The following BBX variants were observed in gnomAD, a reference collection of about 807,000 sequenced individuals.
The protein encoded by BBX is BBX high mobility group box domain containing.
A neutral mutation model predicts 100.2 loss-of-function variants in BBX; 30 were observed. The ratio of observed to expected loss-of-function variants is 0.30; its 90% CI spans 0.22 to 0.41. The LOEUF (loss-of-function observed/expected upper bound fraction) is 0.41. Ranked by LOEUF, BBX falls within the 10% of genes least tolerant of loss-of-function variation. The probability of loss-of-function intolerance (pLI) is 1.00; values close to 1 mark genes in which losing one functional copy is unlikely to be tolerated. For synonymous variants in BBX, 376 were observed against 388.1 expected (o/e 0.97, Z 0.37); for missense variants, 1,023 against 1,129.8 (o/e 0.91, Z 1.35).
At chr3:107,636,130 G>T (rs757100082) in intron 2 of BBX, among the ~76,000 whole-genome samples, 2 of 152,134 alleles carry the variant, frequency 1.3e-5, no homozygotes, top group Non-Finnish European at 2.9e-5. Flanking sequence ...CATGATTCAG[G>T]TTTCGTACCC....
intron 15 of BBX, among the ~76,000 whole-genome samples, chr3:107,795,405 G>A (rs914250896): frequency 1.3e-5 from 2 of 152,132 alleles, no homozygotes; most frequent in African/African-American, 4.8e-5. Context: ...AAGACCATAC[G>A]TTCTGGGGTT....
At chr3:107,696,139 AC>A (rs2060579105) in intron 3 of BBX, among the ~76,000 whole-genome samples, 1 of 151,430 alleles carries the variant, frequency 6.6e-6, no homozygotes, top group African/African-American at 2.4e-5. Context: ...ATGGGTCTTG[AC>A]TCTTTATCCA....
chr3:107,623,722 C>A (rs763716200), intron 2 of BBX, among the ~76,000 whole-genome samples: 2 of 152,112 alleles, frequency 1.3e-5, no homozygotes, highest in East Asian at 1.9e-4. Flanking sequence ...AAAGTGAAGA[C>A]CCCTGAAACT....
intron 1 of BBX, chr3:107,523,769 T>C (rs2107261430): frequency 6.6e-6 from 1 of 152,604 alleles, no homozygotes. Context: ...TTCGTCTGCG[T>C]TGGTGACCGG....
At chr3:107,695,648 G>A (rs377038898) in intron 3 of BBX, among the ~76,000 whole-genome samples, 15,634 of 151,404 alleles carry the variant, frequency 0.1, 975 homozygotes, top group Non-Finnish European at 0.13. Flanking sequence ...GGTGTGGTGT[G>A]GTGCTGAAAA....
intron 13 of BBX, among the ~76,000 whole-genome samples, chr3:107,783,926 G>A (rs1208577345): frequency 6.6e-6 from 1 of 151,990 alleles, no homozygotes; most frequent in Non-Finnish European, 1.5e-5. Flanking sequence ...TATTTAGAAG[G>A]ATTGCTTAGT....
chr3:107,713,883 T>G (rs1351628962), intron 4 of BBX, among the ~76,000 whole-genome samples: 1 of 151,960 alleles, frequency 6.6e-6, no homozygotes, highest in Non-Finnish European at 1.5e-5. Context: ...GTTCCCCATG[T>G]CTCTCCATTG....
At chr3:107,548,663 G>C (rs193043562) in intron 2 of BBX, among the ~76,000 whole-genome samples, 1 of 152,272 alleles carries the variant, frequency 6.6e-6, no homozygotes, top group Admixed American at 6.5e-5. Context: ...AAAGTAATTT[G>C]TTTTGTCAAA....
At chr3:107,742,311 TTTC>T (rs1350030986) in intron 7 of BBX, among the ~76,000 whole-genome samples, 1 of 151,870 alleles carries the variant, frequency 6.6e-6, no homozygotes, top group Non-Finnish European at 1.5e-5. Flanking sequence ...AACCCTCCTT[TTTC>T]TTTTTTTTTT....
intron 2 of BBX, among the ~76,000 whole-genome samples, chr3:107,552,361 AAAAAAAAAAAAAG>A (rs1341246475): frequency 5.4e-5 from 6 of 111,054 alleles, no homozygotes; most frequent in East Asian, 2.4e-4. Flanking sequence ...AAAAAAAAAA[AAAAAAAAAAAAAG>A]GGATTGCTCT....
chr3:107,638,684 C>G (rs1267590354), intron 2 of BBX: 1 of 149,604 alleles, frequency 6.7e-6, no homozygotes, highest in Non-Finnish European at 1.5e-5. Context: ...TTTGGGAGGC[C>G]GAGGTGGGAG....
intron 2 of BBX, among the ~76,000 whole-genome samples, chr3:107,614,972 G>C (rs1353122883): frequency 6.6e-6 from 1 of 152,202 alleles, no homozygotes; most frequent in Non-Finnish European, 1.5e-5. Flanking sequence ...GGGATTTTGT[G>C]TGCTTTGATA....
chr3:107,539,382 AGGGTGAT>A (rs2048720694), intron 2 of BBX, among the ~76,000 whole-genome samples: 1 of 152,146 alleles, frequency 6.6e-6, no homozygotes, highest in African/African-American at 2.4e-5. Flanking sequence ...TGGTGAGTAC[AGGGTGAT>A]GGGTGATTAG....
At chr3:107,627,222 G>C (rs2056245219) in intron 2 of BBX, among the ~76,000 whole-genome samples, 2 of 152,160 alleles carry the variant, frequency 1.3e-5, no homozygotes, top group African/African-American at 2.4e-5. Flanking sequence ...TCCAGTGAAG[G>C]CTTCTAGAAC....
chr3:107,545,104 G>A (rs919466082), intron 2 of BBX, among the ~76,000 whole-genome samples: 1 of 151,932 alleles, frequency 6.6e-6, no homozygotes, highest in African/African-American at 2.4e-5. Flanking sequence ...ATTGACAAAA[G>A]TCTTTACATT....
intron 2 of BBX, among the ~76,000 whole-genome samples, chr3:107,543,960 C>T (rs1055393850): frequency 2.6e-5 from 4 of 152,218 alleles, no homozygotes; most frequent in Non-Finnish European, 5.9e-5. Flanking sequence ...GACCACATAC[C>T]TTGTCACTCG....
intron 2 of BBX, among the ~76,000 whole-genome samples, chr3:107,585,826 C>T (rs2052791061): frequency 6.6e-6 from 1 of 152,012 alleles, no homozygotes; most frequent in African/African-American, 2.4e-5. Flanking sequence ...TTATTAAAAA[C>T]ACAGTAGGCG....
At chr3:107,550,866 A>T (rs1181447151) in intron 2 of BBX, among the ~76,000 whole-genome samples, 3 of 152,182 alleles carry the variant, frequency 2.0e-5, no homozygotes, top group Admixed American at 2.0e-4. Context: ...GGATAGAGGT[A>T]AGTGATATTT....
chr3:107,550,293 G>C (rs986287769), intron 2 of BBX, among the ~76,000 whole-genome samples: 1 of 152,062 alleles, frequency 6.6e-6, no homozygotes, highest in African/African-American at 2.4e-5. Flanking sequence ...CTTGGATAAA[G>C]TGATTAGTCA....
Sources: gnomAD v4.1 joint callset for allele counts (sites outside exome capture counted in the v4.1 genomes callset) on GRCh38, gnomAD v4.1.1 for gene constraint, MANE v1.5 for transcripts, NCBI Gene and HGNC (gene_info 2026-07-23, HGNC 2026-07-21) for gene names.